The following ACYP2 variants were observed in gnomAD, a reference collection of about 807,000 sequenced individuals.
ACYP2 encodes the protein acylphosphatase 2, also known as acylphosphatase-2.
ACYP2 carries 12 observed loss-of-function variants against 11.2 expected under a neutral mutation model. That is an observed-to-expected ratio of 1.08 (90% CI 0.69 to 1.74). The LOEUF is 1.74. ACYP2 is among the 40% of genes most tolerant of loss of function. The pLI is 0.00. For missense variants in ACYP2, 134 were observed against 101.9 expected (o/e 1.31, Z -1.35); for synonymous variants, 43 against 32.2 (o/e 1.33, Z -1.13).
intron 6 of ACYP2, among the ~76,000 whole-genome samples, chr2:54,214,119 C>G (rs1041671502): frequency 2.6e-5 from 4 of 151,996 alleles, no homozygotes; most frequent in Non-Finnish European, 5.9e-5. Flanking sequence ...CGTTTAAGTT[C>G]CTTATAGATT....
chr2:54,120,600 C>T (rs993376312), intron 4 of ACYP2, among the ~76,000 whole-genome samples: 3 of 152,100 alleles, frequency 2.0e-5, no homozygotes, highest in African/African-American at 7.2e-5. Flanking sequence ...ACTTTGCCAG[C>T]CAGAAATCTC....
chr2:54,297,341 A>T (rs996410559), intron 6 of ACYP2, among the ~76,000 whole-genome samples: 4 of 152,010 alleles, frequency 2.6e-5, no homozygotes, highest in African/African-American at 9.7e-5. Flanking sequence ...ACACAAAAAA[A>T]TTTTTAATTA....
chr2:54,113,219 G>A (rs913604711), intron 4 of ACYP2, among the ~76,000 whole-genome samples: 1 of 151,238 alleles, frequency 6.6e-6, no homozygotes, highest in African/African-American at 2.4e-5. Flanking sequence ...ACAAGAGTCT[G>A]CATGAGTTCA....
chr2:54,165,636 A>G (rs577833865), intron 6 of ACYP2, among the ~76,000 whole-genome samples: 5 of 152,070 alleles, frequency 3.3e-5, no homozygotes, highest in African/African-American at 1.2e-4. Flanking sequence ...AGGCAATACT[A>G]TATGATGCCC....
chr2:54,302,403 A>C (rs1689761001), intron 6 of ACYP2, among the ~76,000 whole-genome samples: 1 of 152,002 alleles, frequency 6.6e-6, no homozygotes. Flanking sequence ...CTCCCTGGGC[A>C]CCAGTTTTTC....
chr2:54,126,613 A>AG (rs955852932), intron 4 of ACYP2, among the ~76,000 whole-genome samples: 1 of 151,622 alleles, frequency 6.6e-6, no homozygotes, highest in African/African-American at 2.4e-5. Context: ...AAAAAAAAAA[A>AG]AAAGCATAAA....
intron 4 of ACYP2, among the ~76,000 whole-genome samples, chr2:54,131,812 A>T (rs1181718461): frequency 6.6e-6 from 1 of 152,168 alleles, no homozygotes; most frequent in Non-Finnish European, 1.5e-5. Flanking sequence ...CATTGCTTCT[A>T]AACTTTAGTG....
intron 6 of ACYP2, among the ~76,000 whole-genome samples, chr2:54,291,942 G>A (rs1381234693): frequency 2.0e-5 from 3 of 152,144 alleles, no homozygotes; most frequent in Admixed American, 6.5e-5. Context: ...GGTATGCACT[G>A]GTGACTTCCT....
intron 4 of ACYP2, among the ~76,000 whole-genome samples, chr2:54,125,705 G>A (rs913706482): frequency 3.3e-5 from 5 of 151,962 alleles, no homozygotes; most frequent in South Asian, 4.1e-4. Flanking sequence ...AGCCGAGATC[G>A]TGCCATTGCA....
intron 2 of ACYP2, among the ~76,000 whole-genome samples, chr2:54,017,242 T>C (rs144922083): frequency 4.1e-4 from 59 of 143,680 alleles, no homozygotes; most frequent in African/African-American, 1.7e-3. Context: ...TACAATCATA[T>C]TGGCCGTTAA....
intron 6 of ACYP2, among the ~76,000 whole-genome samples, chr2:54,214,344 G>A (rs1406002527): frequency 6.6e-6 from 1 of 152,072 alleles, no homozygotes; most frequent in Non-Finnish European, 1.5e-5. Flanking sequence ...TCATTTCCCA[G>A]GTTTTCTTCT....
intron 4 of ACYP2, chr2:54,123,409 A>G: frequency 5.0e-6 from 2 of 398,542 alleles, no homozygotes; most frequent in Non-Finnish European, 8.8e-6. Flanking sequence ...CTACAAATAG[A>G]GGTAGGAAGG....
chr2:54,042,744 C>G (rs1194408168), intron 2 of ACYP2, among the ~76,000 whole-genome samples: 1 of 152,116 alleles, frequency 6.6e-6, no homozygotes, highest in Non-Finnish European at 1.5e-5. Context: ...TTGTATTCAG[C>G]AGGCCGAAAG....
At chr2:54,108,413 T>G (rs1679283395) in intron 4 of ACYP2, among the ~76,000 whole-genome samples, 1 of 152,246 alleles carries the variant, frequency 6.6e-6, no homozygotes, top group South Asian at 2.1e-4. Flanking sequence ...GTTGTCACAC[T>G]AGCCCAGACC....
At chr2:54,184,174 C>T (rs192414995) in intron 6 of ACYP2, among the ~76,000 whole-genome samples, 6 of 152,222 alleles carry the variant, frequency 3.9e-5, no homozygotes, top group East Asian at 1.9e-4. Context: ...TCCAAGGCCA[C>T]GGTAATACAA....
intron 2 of ACYP2, among the ~76,000 whole-genome samples, chr2:54,009,684 A>G (rs548274046): frequency 4.6e-5 from 7 of 152,290 alleles, no homozygotes; most frequent in Non-Finnish European, 1.0e-4. Context: ...GCTGGGATGA[A>G]AAACATGAAC....
intron 4 of ACYP2, among the ~76,000 whole-genome samples, chr2:54,094,270 C>T (rs1428260457): frequency 2.0e-5 from 3 of 151,708 alleles, no homozygotes. Flanking sequence ...CTCTGTTGCC[C>T]AGGCTGGAGT....
At chr2:54,249,635 C>T (rs1287925263) in intron 6 of ACYP2, among the ~76,000 whole-genome samples, 1 of 151,928 alleles carries the variant, frequency 6.6e-6, no homozygotes, top group African/African-American at 2.4e-5. Context: ...GATTATGTTT[C>T]AAAACTTACT....
At chr2:54,245,982 GT>G (rs575533605) in intron 6 of ACYP2, among the ~76,000 whole-genome samples, 9 of 152,222 alleles carry the variant, frequency 5.9e-5, no homozygotes, top group African/African-American at 2.2e-4. Flanking sequence ...GAGTTTTATA[GT>G]TTTAGGTATT....
Sources: gnomAD v4.1 joint callset for allele counts (sites outside exome capture counted in the v4.1 genomes callset) on GRCh38, gnomAD v4.1.1 for gene constraint, MANE v1.5 for transcripts, NCBI Gene and HGNC (gene_info 2026-07-23, HGNC 2026-07-21) for gene names.